Variants in TMEM260 observed in about 807,000 individuals in gnomAD.
TMEM260 encodes transmembrane protein 260, also known as protein O-mannosyl-transferase TMEM260.
A neutral mutation model predicts 88.9 loss-of-function variants in TMEM260; 82 were observed. The ratio of observed to expected loss-of-function variants is 0.92; its 90% CI spans 0.77 to 1.11. The LOEUF is 1.11. Among genes scored for constraint, TMEM260 ranks in the 50% least tolerant of loss-of-function variants. TMEM260 has a pLI of 0.00. For synonymous variants in TMEM260, 314 were observed against 309.3 expected, an observed-to-expected ratio of 1.02 and a Z score of -0.16; for missense variants, 902 against 853.4, an observed-to-expected ratio of 1.06 and a Z score of -0.71.
intron 10 of TMEM260, chr14:56,619,221 G>T (rs1887764842): frequency 6.3e-6 from 1 of 158,042 alleles, no homozygotes; most frequent in Non-Finnish European, 1.4e-5. Flanking sequence ...CCCTAGGCTG[G>T]AGTACAGTGG....
chr14:56,586,833 G>C (rs1024235213), intron 3 of TMEM260, among the ~76,000 whole-genome samples: 2 of 151,874 alleles, frequency 1.3e-5, no homozygotes, highest in South Asian at 4.1e-4. Flanking sequence ...TTTATAGAAA[G>C]ATAAGAGTTA....
chr14:56,609,870 G>T (rs1469821772), intron 6 of TMEM260, among the ~76,000 whole-genome samples: 1 of 152,120 alleles, frequency 6.6e-6, no homozygotes. Context: ...TCACAGTAAA[G>T]ATTATCTGAA....
the TMEM260 span, among the ~76,000 whole-genome samples, chr14:56,660,782 C>T: frequency 6.6e-6 from 1 of 152,096 alleles, no homozygotes; most frequent in Admixed American, 6.5e-5. Flanking sequence ...TATTCAGGTT[C>T]TGTCTCTGTC....
chr14:56,590,722 T>G (rs928411568), intron 3 of TMEM260, among the ~76,000 whole-genome samples: 2 of 152,222 alleles, frequency 1.3e-5, no homozygotes, highest in African/African-American at 4.8e-5. Context: ...TTAATAGCAG[T>G]GCTTATGAGT....
intron 5 of TMEM260, among the ~76,000 whole-genome samples, chr14:56,607,390 T>C (rs554340304): frequency 2.6e-5 from 4 of 152,356 alleles, no homozygotes; most frequent in Non-Finnish European, 5.9e-5. Flanking sequence ...GTTTTCCCTG[T>C]ACTGAGGTAA....
chr14:56,647,291 C>T lies in TMEM260; in HGVS notation c.1918C>T (p.His640Tyr). Reference protein sequence around the residue: ...YLQKEHPVNWHKNYAIACERM... With the variant: ...YLQKEHPVNWYKNYAIACERM... ...ACAAAAGGAGCACCCAGTGAATTGG[C>T]ACAAGAACTATGCCATCGCCTGTGA... Residue 640 changes from histidine to tyrosine, a missense_variant, in exon 16 of 16, where the codon CAC becomes TAC. Physicochemically the swap from His to Tyr is moderately conservative, Grantham distance 83. Coordinates refer to ENST00000261556, the MANE Select transcript of TMEM260 (RefSeq NM_017799.4). The T allele has an allele frequency of 1.2e-6, 2 of 1,614,116 alleles. No homozygotes were observed. Among genetic ancestry groups the T allele is most frequent in the African/African-American group, 1.3e-5 (1 of 75,036 alleles).
intron 3 of TMEM260, among the ~76,000 whole-genome samples, chr14:56,600,827 T>C (rs1035817773): frequency 2.0e-5 from 3 of 152,236 alleles, no homozygotes; most frequent in Non-Finnish European, 4.4e-5. Flanking sequence ...GGCAAGTTCA[T>C]CTGATGCTAA....
chr14:56,621,141 G>C (rs1873257181), intron 10 of TMEM260, among the ~76,000 whole-genome samples: 1 of 151,650 alleles, frequency 6.6e-6, no homozygotes, highest in Non-Finnish European at 1.5e-5. Flanking sequence ...ATTTCCTTTT[G>C]CATTTCTGAA....
chr14:56,601,593 A>G (rs1171685658), intron 3 of TMEM260, among the ~76,000 whole-genome samples: 3 of 152,106 alleles, frequency 2.0e-5, no homozygotes. Context: ...TAGTTTTGGT[A>G]TTCATTGATT....
At chr14:56,622,846 A>T (rs541670545) in intron 11 of TMEM260, among the ~76,000 whole-genome samples, 43 of 152,326 alleles carry the variant, frequency 2.8e-4, no homozygotes, top group African/African-American at 9.6e-4. Context: ...AGATTTGTAA[A>T]TATACAATTT....
chr14:56,587,392 A>G (rs1885573392), intron 3 of TMEM260, among the ~76,000 whole-genome samples: 1 of 151,972 alleles, frequency 6.6e-6, no homozygotes, highest in African/African-American at 2.4e-5. Context: ...ACCATTCCAT[A>G]TGAGAACTAC....
downstream of TMEM260, among the ~76,000 whole-genome samples, chr14:56,649,818 CTA>C (rs1446369494): frequency 6.6e-6 from 1 of 152,088 alleles, no homozygotes; most frequent in Non-Finnish European, 1.5e-5. Flanking sequence ...CTAGATTATT[CTA>C]TATGTGTGCA....
chr14:56,621,804 G>C (rs1035249828), intron 11 of TMEM260, 102 bp downstream of exon 11: 47 of 950,578 alleles, frequency 4.9e-5, no homozygotes, highest in Non-Finnish European at 7.0e-5. Flanking sequence ...CAGTTTTCAT[G>C]ATCACTGTTA....
intron 3 of TMEM260, among the ~76,000 whole-genome samples, chr14:56,588,592 C>T (rs145781854): frequency 2.6e-5 from 4 of 152,056 alleles, no homozygotes; most frequent in African/African-American, 9.6e-5. Flanking sequence ...GGCAAGAACT[C>T]ATTTATATTT....
At position 56,642,460 on chromosome 14, in the gene TMEM260, C is replaced by A. The variant is rs372313453; in HGVS notation, c.1870-4783C>A. On this transcript the variant is annotated intron_variant, in intron 15 of 15. Transcript: ENST00000261556. Reference sequence around the variant, plus strand: ...AAATAAAGATGTTCTTTGAAACCAACGAGAACAAAGACACAACATACCAGA... The same window carrying A: ...AAATAAAGATGTTCTTTGAAACCAAAGAGAACAAAGACACAACATACCAGA... Among the ~76,000 whole-genome samples the A allele has an allele frequency of 1.3e-3, 190 of 148,764 alleles. 9 individuals carry two copies. The South Asian group carries it at 0.034, about 26-fold the overall frequency.
the TMEM260 span, among the ~76,000 whole-genome samples, chr14:56,656,556 T>C: frequency 1.8e-4 from 28 of 152,210 alleles, no homozygotes; most frequent in African/African-American, 6.5e-4. Flanking sequence ...GAACAGTGCC[T>C]ATATAGACCA....
At position 56,648,691 on chromosome 14, in the gene TMEM260, T is replaced by C. The variant is rs991746191; in HGVS notation, c.*1194T>C. The C allele has an allele frequency of 1.3e-5, 2 of 152,672 alleles. No homozygotes were observed. The highest frequency in any genetic ancestry group is 2.4e-5 in the African/African-American group (1 of 41,456). The allele number at this position is 152,672 out of a possible 1,614,324, so 9.5% of individuals were successfully genotyped here. A position where few individuals can be genotyped will look rare whatever the true frequency, so the allele number is the denominator to read the frequency against. ...TCAAAGGTCTCCTGTGGAGCTTGCATGGTTCCCTTTCATACTACGACCATA... is the reference window on the plus strand; with the variant it reads ...TCAAAGGTCTCCTGTGGAGCTTGCACGGTTCCCTTTCATACTACGACCATA... On this transcript the variant is annotated 3_prime_UTR_variant, in exon 16 of 16. Coordinates refer to ENST00000261556, the MANE Select transcript of TMEM260 (RefSeq NM_017799.4).
chr14:56,605,734 A>T lies in TMEM260; in HGVS notation c.636+51A>T, dbSNP rs769828447. Reference sequence around the variant, plus strand: ...AAGTACAATATTTTACTTAGGTCTAATATAACATTTTTGTCATGAGAAAAT... The same window carrying T: ...AAGTACAATATTTTACTTAGGTCTATTATAACATTTTTGTCATGAGAAAAT... On this transcript the variant is annotated intron_variant, in intron 5 of 15. Transcript: ENST00000261556. 5 of 1,117,902 alleles carry T rather than the reference A, an allele frequency of 4.5e-6. 1 individual carries two copies. The South Asian group carries it at 7.1e-5, about 16-fold the overall frequency. The allele number at this position is 1,117,902 out of a possible 1,614,324, so 69.2% of individuals were successfully genotyped here. A position where few individuals can be genotyped will look rare whatever the true frequency, so the allele number is the denominator to read the frequency against.
chr14:56,579,609 T>G (rs150721363), upstream of TMEM260: 179 of 307,414 alleles, frequency 5.8e-4, 2 homozygotes, highest in East Asian at 9.0e-3. Context: ...GGTAGGCCTG[T>G]GGCCGGGCTT....
Sources: allele counts gnomAD v4.1 joint callset (sites outside exome capture counted in the v4.1 genomes callset), GRCh38; gene constraint gnomAD v4.1.1; transcripts MANE v1.5; gene names NCBI Gene and HGNC (gene_info 2026-07-23, HGNC 2026-07-21).